Variants in GLB1L3 observed in about 807,000 individuals in gnomAD.
GLB1L3 encodes beta-galactosidase-1-like protein 3.
GLB1L3 carries 89 observed loss-of-function variants against 89.5 expected under a neutral mutation model. The observed-to-expected ratio is 0.99, with a 90% CI of 0.84 to 1.19. The LOEUF (loss-of-function observed/expected upper bound fraction) is 1.19. Ranked by LOEUF, GLB1L3 falls within the 50% of genes most tolerant of loss-of-function variation. GLB1L3 has a pLI of 0.00. For synonymous variants in GLB1L3, 314 were observed against 312.3 expected (o/e 1.01, Z -0.06); for missense variants, 812 against 813.3 (o/e 1.00, Z 0.02).
chr11:134,304,191 G>C (rs147382239), intron 9 of GLB1L3, among the ~76,000 whole-genome samples: 61 of 152,106 alleles, frequency 4.0e-4, no homozygotes, highest in African/African-American at 1.4e-3. Context: ...AATGTGCTGG[G>C]TATCTCTTTA....
At chr11:134,310,892 TC>T in intron 12 of GLB1L3, 171 bp from the exon 13 acceptor site, 1 of 637,818 alleles carries the variant, frequency 1.6e-6, no homozygotes, top group South Asian at 1.9e-5. Flanking sequence ...GTAACCTTGG[TC>T]TCCTGTGATG....
chr11:134,322,113 C>T (rs1264846903), downstream of GLB1L3, among the ~76,000 whole-genome samples: 1 of 151,990 alleles, frequency 6.6e-6, no homozygotes, highest in East Asian at 1.9e-4. Context: ...GATCGAAAGT[C>T]CAAGGATAAA....
intron 3 of GLB1L3, 116 bp from the exon 4 acceptor site, chr11:134,281,261 T>G: frequency 8.4e-7 from 1 of 1,192,546 alleles, no homozygotes; most frequent in Non-Finnish European, 1.3e-6. Context: ...ACTGGTAACT[T>G]CAACTTATTT....
intron 10 of GLB1L3, among the ~76,000 whole-genome samples, chr11:134,308,426 C>CAA (rs1260556556): frequency 9.6e-6 from 1 of 103,756 alleles, no homozygotes; most frequent in Admixed American, 1.0e-4. Flanking sequence ...CCATCATCAC[C>CAA]ATCACCACCA....
At chr11:134,307,855 G>A (rs2136196255) in intron 10 of GLB1L3, among the ~76,000 whole-genome samples, 1 of 152,246 alleles carries the variant, frequency 6.6e-6, no homozygotes, top group South Asian at 2.1e-4. Context: ...ATCAAGTGCT[G>A]CCACTTAGAG....
intron 9 of GLB1L3, among the ~76,000 whole-genome samples, chr11:134,304,662 G>A (rs1300612007): frequency 6.6e-6 from 1 of 151,818 alleles, no homozygotes; most frequent in Non-Finnish European, 1.5e-5. Flanking sequence ...TCTTTGTTAG[G>A]TAATATTTTA....
chr11:134,318,674 G>A lies in GLB1L3; in HGVS notation c.1823G>A (p.Gly608Glu), dbSNP rs778451745. 1.9e-6 allele frequency: 3 copies of A among 1,612,896 alleles called. No individual in the cohort carries two copies. In the Admixed American group the frequency reaches 5.0e-5, roughly 27 times the overall value. Residue 608 changes from glycine (G) to glutamate (E), a missense_variant, in exon 19 of 20, where the codon GGG becomes GAG. By Grantham distance (98) the Gly-to-Glu change is moderately conservative. Transcript: ENST00000431683. ...GFVFINGRNL[G>E]RYWNIGPQKT... ...GTGTTCATCAATGGACGTAACCTTG[G>A]GCGATATTGGAATATTGGGCCTCAG...
intron 6 of GLB1L3, chr11:134,287,067 A>G (rs528135624): frequency 6.6e-6 from 1 of 151,808 alleles, no homozygotes; most frequent in African/African-American, 2.4e-5. Flanking sequence ...AGGCTGACGC[A>G]GGAGAATGAC....
chr11:134,303,816 G>C (rs1413508232), intron 9 of GLB1L3, among the ~76,000 whole-genome samples: 1 of 151,906 alleles, frequency 6.6e-6, no homozygotes, highest in Non-Finnish European at 1.5e-5. Context: ...TCTGCTTGAA[G>C]TACATGCTTT....
At chr11:134,308,404 T>TAC (rs1942433202) in intron 10 of GLB1L3, among the ~76,000 whole-genome samples, 1 of 32,122 alleles carries the variant, frequency 3.1e-5, no homozygotes, top group Admixed American at 3.8e-4. Flanking sequence ...ACCATCACCA[T>TAC]CACCACCACC....
intron 10 of GLB1L3, among the ~76,000 whole-genome samples, chr11:134,308,217 TCACCATCACCAC>T (rs1942333836): frequency 1.3e-4 from 4 of 31,530 alleles, no homozygotes; most frequent in Non-Finnish European, 2.4e-4. Flanking sequence ...ACCACCACCA[TCACCATCACCAC>T]CACCACCATC....
downstream of GLB1L3, among the ~76,000 whole-genome samples, chr11:134,321,571 A>G (rs1183706217): frequency 1.3e-5 from 2 of 152,192 alleles, no homozygotes; most frequent in East Asian, 1.9e-4. Context: ...CATATACTCC[A>G]TGGAATACTA....
chr11:134,314,829 C>G (rs1426585774), intron 18 of GLB1L3, among the ~76,000 whole-genome samples: 1 of 152,154 alleles, frequency 6.6e-6, no homozygotes, highest in Admixed American at 6.6e-5. Flanking sequence ...ACTATGTATT[C>G]TGAAGCTTGC....
chr11:134,278,017 C>A, intron 3 of GLB1L3, 105 bp downstream of exon 3: 1 of 1,027,096 alleles, frequency 9.7e-7, no homozygotes. Context: ...GACTTACCTT[C>A]CGCACAGTCG....
chr11:134,312,689 C>A, intron 14 of GLB1L3, 127 bp from the exon 15 acceptor site: 1 of 968,580 alleles, frequency 1.0e-6, no homozygotes, highest in Non-Finnish European at 1.6e-6. Flanking sequence ...CAGGCAGCTT[C>A]ATGCCATCAG....
rs773486819 is a variant in GLB1L3 at position 134,309,913 on chromosome 11, C to CTGTA, written c.1099+154_1099+157dup. ...ATTTTCCTATCTACTTTCCTTCCTT[C>CTGTA]TGTATGTTCATAATGCCCCAACAGG... On this transcript the variant is annotated intron_variant, in intron 11 of 19. Transcript: ENST00000431683. The CTGTA allele has an allele frequency of 1.1e-4, 93 of 857,574 alleles. No individual in the cohort carries two copies. The Middle Eastern group carries it at 1.2e-3, about 11-fold the overall frequency. 53.1% of individuals were successfully genotyped at this position (857,574 alleles called of 1,614,324 possible).
intron 6 of GLB1L3, among the ~76,000 whole-genome samples, chr11:134,284,689 G>A (rs928784246): frequency 9.2e-5 from 14 of 151,894 alleles, no homozygotes; most frequent in East Asian, 1.9e-4. Context: ...AGATCATGCC[G>A]CCACACTCCA....
intron 14 of GLB1L3, 86 bp downstream of exon 14, chr11:134,312,575 G>T: frequency 6.7e-7 from 1 of 1,497,236 alleles, no homozygotes; most frequent in Admixed American, 1.9e-5. Context: ...AAGGATGCAC[G>T]TTGCTGTTTG....
chr11:134,292,911 C>T, intron 8 of GLB1L3: 1 of 598,214 alleles, frequency 1.7e-6, no homozygotes, highest in East Asian at 2.8e-5. Flanking sequence ...TGGCTCACTT[C>T]TCTGCACAGA....
Sources: allele counts gnomAD v4.1 joint callset (sites outside exome capture counted in the v4.1 genomes callset), GRCh38; gene constraint gnomAD v4.1.1; transcripts MANE v1.5; gene names NCBI Gene and HGNC (gene_info 2026-07-23, HGNC 2026-07-21).